JAK2: variants seen among roughly 807,000 people sequenced by gnomAD.
The protein encoded by JAK2 is Janus kinase 2.
In JAK2, 86 loss-of-function variants were observed where a neutral mutation model predicts 139.3. That is an observed-to-expected ratio of 0.62 (90% CI 0.52 to 0.74). JAK2 has a LOEUF of 0.74. Ranked by LOEUF, JAK2 falls within the 30% of genes least tolerant of loss-of-function variation. JAK2 has a pLI of 0.00. For missense variants in JAK2, 1,421 were observed against 1,360.3 expected, an observed-to-expected ratio of 1.04 and a Z score of -0.70; for synonymous variants, 490 against 437.7, an observed-to-expected ratio of 1.12 and a Z score of -1.49.
rs1461528172 is a variant in JAK2, at chr9:5,090,438, G to A, written c.2762-8G>A. ...AGTAAAACATTATTTCCACCTTTAT[G>A]TTAAAAGGTCGGCGTAATCTAAAAT... On this transcript the variant is annotated splice_polypyrimidine_tract_variant and splice_region_variant and intron_variant, in intron 20 of 24. Coordinates refer to ENST00000381652, the MANE Select transcript of JAK2 (RefSeq NM_004972.4). 6.6e-7 allele frequency: 1 copy of A among 1,526,226 alleles called. No homozygotes were observed. Among genetic ancestry groups the A allele is most frequent in the Non-Finnish European group, 8.8e-7 (1 of 1,130,620 alleles). 94.5% of individuals were successfully genotyped at this position (1,526,226 alleles called of 1,614,324 possible).
intron 8 of JAK2, among the ~76,000 whole-genome samples, chr9:5,063,967 C>T (rs552726475): frequency 3.1e-4 from 47 of 152,272 alleles, no homozygotes; most frequent in African/African-American, 1.1e-3. Context: ...ACCAGCCTGG[C>T]CAACATGTTG....
chr9:5,047,560 G>A (rs1817096996), intron 5 of JAK2, among the ~76,000 whole-genome samples: 1 of 152,212 alleles, frequency 6.6e-6, no homozygotes, highest in Non-Finnish European at 1.5e-5. Flanking sequence ...TTTTGTGACT[G>A]TGACTGTTTT....
At chr9:5,033,518 C>A (rs1238085831) in intron 4 of JAK2, among the ~76,000 whole-genome samples, 2 of 152,182 alleles carry the variant, frequency 1.3e-5, no homozygotes, top group Non-Finnish European at 2.9e-5. Context: ...CAAAGGGAAG[C>A]CCATCAGACT....
chr9:5,115,481 A>G (rs1823069873), intron 22 of JAK2, among the ~76,000 whole-genome samples: 1 of 152,206 alleles, frequency 6.6e-6, no homozygotes, highest in African/African-American at 2.4e-5. Flanking sequence ...AATTAGTTCA[A>G]CCATTGTGGA....
intron 4 of JAK2, among the ~76,000 whole-genome samples, chr9:5,035,518 CA>C (rs1488155335): frequency 1.3e-5 from 2 of 152,324 alleles, no homozygotes; most frequent in Middle Eastern, 6.8e-3. Flanking sequence ...AGCAGCACAT[CA>C]AAAAGCTTAT....
rs58424625 is a variant in JAK2 at position 5,062,500 on chromosome 9, T to TAAAAAAAAAA, written c.1057-2361_1057-2352dup. On this transcript the variant is annotated intron_variant, in intron 8 of 24. Coordinates refer to ENST00000381652, the MANE Select transcript of JAK2 (RefSeq NM_004972.4). The stretch of plus-strand genomic sequence containing the variant: ...AAGTTTGTCAGAAACCTTCCATTTG[T>TAAAAAAAAAA]AAAAAAAAAAAAAAAAAAAAAAAAA... 9.8e-4 allele frequency among the ~76,000 whole-genome samples: 57 copies of TAAAAAAAAAA among 58,240 alleles called. 9 individuals are homozygous for TAAAAAAAAAA. Among genetic ancestry groups the TAAAAAAAAAA allele is most frequent in the African/African-American group, 5.7e-3 (55 of 9,590 alleles). 38.2% of individuals were successfully genotyped at this position (58,240 alleles called of 152,430 possible). A position where few individuals can be genotyped will look rare whatever the true frequency, so the allele number is the denominator to read the frequency against.
intron 6 of JAK2, among the ~76,000 whole-genome samples, chr9:5,052,785 G>C (rs1208549274): frequency 2.6e-5 from 4 of 151,942 alleles, no homozygotes; most frequent in African/African-American, 9.7e-5. Context: ...CACTTAATAT[G>C]ATGTTTCCAA....
Position 5,072,650 on chromosome 9 carries a change from C to T in JAK2, c.1776+24C>T, listed in dbSNP as rs141072968. ...AGGTGTGTATGTTCTTTATATTGTT[C>T]ATGTAGTTTATGCTGTTTAAAGATG... On this transcript the variant is annotated intron_variant, in intron 13 of 24. Coordinates refer to ENST00000381652, the MANE Select transcript of JAK2 (RefSeq NM_004972.4). 3 of 1,539,792 alleles carry T rather than the reference C, an allele frequency of 1.9e-6. No individual in the cohort carries two copies. The South Asian group carries it at 3.8e-5, about 19-fold the overall frequency.
At chr9:5,034,326 G>T (rs1823399995) in intron 4 of JAK2, among the ~76,000 whole-genome samples, 2 of 152,148 alleles carry the variant, frequency 1.3e-5, no homozygotes, top group South Asian at 2.1e-4. Context: ...ACATTAGACA[G>T]ATCAACAAGA....
intron 2 of JAK2, among the ~76,000 whole-genome samples, chr9:4,991,550 G>C (rs1367834394): frequency 6.6e-6 from 1 of 152,174 alleles, no homozygotes; most frequent in Non-Finnish European, 1.5e-5. Flanking sequence ...TAATCAGTGA[G>C]TCTTGTCTAT....
At chr9:5,104,091 G>A (rs573867108) in intron 22 of JAK2, among the ~76,000 whole-genome samples, 1 of 151,840 alleles carries the variant, frequency 6.6e-6, no homozygotes, top group Non-Finnish European at 1.5e-5. Flanking sequence ...AGGAGATAGA[G>A]ACACAACTCT....
In JAK2 at chr9:5,061,082, G is replaced by A. The variant is rs990948091; in HGVS notation, c.1057-3801G>A. On this transcript the variant is annotated intron_variant, in intron 8 of 24. Coordinates refer to ENST00000381652, the MANE Select transcript of JAK2 (RefSeq NM_004972.4). ...CTTAACAATGGGCTTAAAATAGTCA[G>A]TAAACCATGCTATAAACAATAGATG... is the stretch of plus-strand genomic sequence containing the variant. 3.3e-5 allele frequency among the ~76,000 whole-genome samples: 5 copies of A among 152,288 alleles called. 1 individual carries two copies. The South Asian group carries it at 8.3e-4, about 25-fold the overall frequency.
At chr9:5,112,917 G>C (rs977048523) in intron 22 of JAK2, 3 of 271,066 alleles carry the variant, frequency 1.1e-5, no homozygotes, top group African/African-American at 4.4e-5. Context: ...ACGCCCACTT[G>C]AGGCCCTGGG....
At chr9:5,106,061 A>T (rs1564009708) in intron 22 of JAK2, among the ~76,000 whole-genome samples, 1 of 152,242 alleles carries the variant, frequency 6.6e-6, no homozygotes, top group Non-Finnish European at 1.5e-5. Flanking sequence ...AAACAGACAG[A>T]TGGGATCTAA....
rs1391006174 is a variant in JAK2, at chr9:5,078,416, C to T, written c.2103C>T (p.Gly701=). ...NPPFIKLSDP[G]ISITVLPKDI... ...CTTTCATCAAACTTAGTGATCCTGG[C>T]ATTAGTATTACAGTTTTGCCAAAGG... Residue 701 remains glycine (G), a synonymous_variant, in exon 16 of 25, where the codon GGC becomes GGT. Transcript: ENST00000381652. The T allele has an allele frequency of 1.9e-6, 3 of 1,612,602 alleles. No individual in the cohort carries two copies. The highest frequency in any genetic ancestry group is 1.7e-5 in the Admixed American group (1 of 59,984).
chr9:5,061,485 T>G (rs1818166272), intron 8 of JAK2, among the ~76,000 whole-genome samples: 1 of 152,230 alleles, frequency 6.6e-6, no homozygotes, highest in Non-Finnish European at 1.5e-5. Context: ...TGCACATGGC[T>G]TCTTTTCTTA....
chr9:4,987,784 CTT>C (rs1490065529), intron 2 of JAK2, among the ~76,000 whole-genome samples: 1 of 151,466 alleles, frequency 6.6e-6, no homozygotes, highest in Non-Finnish European at 1.5e-5. Context: ...ATTTACGACT[CTT>C]TTAGCTTCAC....
chr9:5,099,451 AATC>A (rs2130735994), intron 22 of JAK2: 1 of 152,372 alleles, frequency 6.6e-6, no homozygotes, highest in South Asian at 2.1e-4. Context: ...TCCTGTCAAT[AATC>A]ATAACTTTAT....
intron 3 of JAK2, among the ~76,000 whole-genome samples, chr9:5,024,242 C>A (rs554146207): frequency 1.3e-5 from 2 of 151,974 alleles, no homozygotes; most frequent in South Asian, 4.2e-4. Context: ...GGCGACAGAG[C>A]GAGACTCCAT....
Sources: allele counts gnomAD v4.1 joint callset (sites outside exome capture counted in the v4.1 genomes callset), GRCh38; gene constraint gnomAD v4.1.1; transcripts MANE v1.5; gene names NCBI Gene and HGNC (gene_info 2026-07-23, HGNC 2026-07-21).